Variants in NAALADL2 observed in about 807,000 individuals in gnomAD.
NAALADL2 encodes the protein N-acetylated alpha-linked acidic dipeptidase like 2.
Under a neutral mutation model 87.2 loss-of-function variants are expected in NAALADL2, and 76 were observed. The ratio of observed to expected loss-of-function variants is 0.87; its 90% CI spans 0.72 to 1.05. The LOEUF is 1.05. NAALADL2 is among the 50% of genes least tolerant of loss of function. The probability of loss-of-function intolerance (pLI) is 0.00; values close to 1 mark genes in which losing one functional copy is unlikely to be tolerated. For missense variants in NAALADL2, 1,089 were observed against 945.8 expected, an observed-to-expected ratio of 1.15 and a Z score of -1.99; for synonymous variants, 354 against 331.0, an observed-to-expected ratio of 1.07 and a Z score of -0.75.
intron 2 of NAALADL2, among the ~76,000 whole-genome samples, chr3:174,668,583 C>T (rs566690753): frequency 1.1e-4 from 16 of 152,250 alleles, no homozygotes; most frequent in East Asian, 7.7e-4. Context: ...CCCCCCACCC[C>T]GCAACGGGCC....
chr3:175,762,764 G>A (rs1241195980), intron 13 of NAALADL2, among the ~76,000 whole-genome samples: 1 of 152,118 alleles, frequency 6.6e-6, no homozygotes, highest in African/African-American at 2.4e-5. Context: ...AGAGTTTGAG[G>A]AGAGACATTA....
intron 1 of NAALADL2, among the ~76,000 whole-genome samples, chr3:175,075,937 G>GT (rs932698755): frequency 2.0e-5 from 3 of 152,068 alleles, no homozygotes; most frequent in Non-Finnish European, 4.4e-5. Flanking sequence ...AAAATAATAT[G>GT]TCATAACAGG....
chr3:174,942,537 T>C (rs1249096390), intron 1 of NAALADL2, among the ~76,000 whole-genome samples: 3 of 152,046 alleles, frequency 2.0e-5, no homozygotes, highest in African/African-American at 4.8e-5. Flanking sequence ...GTGTAGACTC[T>C]TGCAGGAGTT....
intron 2 of NAALADL2, among the ~76,000 whole-genome samples, chr3:175,224,185 A>G (rs1184414989): frequency 6.6e-6 from 1 of 152,022 alleles, no homozygotes; most frequent in Non-Finnish European, 1.5e-5. Context: ...TCTGGGTGGG[A>G]GTAGTCTGGG....
chr3:175,778,631 C>G (rs1434427980), intron 13 of NAALADL2, among the ~76,000 whole-genome samples: 1 of 152,150 alleles, frequency 6.6e-6, no homozygotes, highest in Non-Finnish European at 1.5e-5. Flanking sequence ...TTGTATATGT[C>G]AGACACTGTG....
chr3:174,978,236 G>A (rs1314722827), intron 1 of NAALADL2, among the ~76,000 whole-genome samples: 1 of 152,184 alleles, frequency 6.6e-6, no homozygotes, highest in African/African-American at 2.4e-5. Flanking sequence ...AAAACATGGT[G>A]GAGTTGAAAC....
At chr3:175,066,342 C>T (rs971795885) in intron 1 of NAALADL2, among the ~76,000 whole-genome samples, 12 of 152,094 alleles carry the variant, frequency 7.9e-5, no homozygotes, top group African/African-American at 2.7e-4. Context: ...TTGAGTGCTC[C>T]TGGGCCTCCA....
chr3:175,249,170 TATTTTC>T, intron 3 of NAALADL2, among the ~76,000 whole-genome samples: 1 of 152,304 alleles, frequency 6.6e-6, no homozygotes, highest in Middle Eastern at 3.4e-3. Flanking sequence ...TTCATTTATT[TATTTTC>T]TTTATTAATA....
chr3:174,904,258 T>G (rs1732704707), intron 1 of NAALADL2, among the ~76,000 whole-genome samples: 1 of 151,894 alleles, frequency 6.6e-6, no homozygotes, highest in Non-Finnish European at 1.5e-5. Flanking sequence ...TGAATAATTA[T>G]GATAATGTTA....
chr3:175,516,503 C>T lies in NAALADL2; in HGVS notation c.1653+44745C>T, dbSNP rs563263590. On this transcript the variant is annotated intron_variant, in intron 9 of 13. Transcript: ENST00000454872. ...AGTTGAGATTTTCTAATTTAAAGGTCGGGGATTCAATAATCAATCCCCTTT... is the reference window on the plus strand; with the variant it reads ...AGTTGAGATTTTCTAATTTAAAGGTTGGGGATTCAATAATCAATCCCCTTT... 1.7e-4 allele frequency among the ~76,000 whole-genome samples: 26 copies of T among 152,194 alleles called. 1 individual carries two copies. Among genetic ancestry groups the T allele is most frequent in the South Asian group, 1.7e-3 (8 of 4,822 alleles).
chr3:175,009,405 A>C (rs1749484751), intron 1 of NAALADL2, among the ~76,000 whole-genome samples: 1 of 152,226 alleles, frequency 6.6e-6, no homozygotes, highest in Admixed American at 6.5e-5. Context: ...TTAACACGCC[A>C]CCATAAACGA....
chr3:175,667,239 GAAAAAGAA>G (rs1467974340), intron 11 of NAALADL2, among the ~76,000 whole-genome samples: 9 of 82,062 alleles, frequency 1.1e-4, no homozygotes, highest in South Asian at 3.7e-4. Flanking sequence ...AAGAAAGAAA[GAAAAAGAA>G]AGAAAGAAAG....
chr3:174,643,098 A>G (rs139809310), intron 2 of NAALADL2, among the ~76,000 whole-genome samples: 1 of 152,236 alleles, frequency 6.6e-6, no homozygotes, highest in African/African-American at 2.4e-5. Flanking sequence ...ATATAATTTT[A>G]AGCAAGAAAA....
chr3:175,173,056 C>G (rs1194642653), intron 2 of NAALADL2, among the ~76,000 whole-genome samples: 1 of 151,800 alleles, frequency 6.6e-6, no homozygotes, highest in Non-Finnish European at 1.5e-5. Flanking sequence ...TTTGGGAGGC[C>G]AGGGTGAGTG....
chr3:174,721,559 T>A (rs1311506122), intron 2 of NAALADL2, among the ~76,000 whole-genome samples: 2 of 152,214 alleles, frequency 1.3e-5, no homozygotes, highest in African/African-American at 2.4e-5. Flanking sequence ...CGCGTCTTAA[T>A]AAAATAACGT....
intron 5 of NAALADL2, among the ~76,000 whole-genome samples, chr3:175,343,565 G>T (rs1315434752): frequency 6.6e-6 from 1 of 151,006 alleles, no homozygotes; most frequent in Non-Finnish European, 1.5e-5. Flanking sequence ...TTTCTTTGGT[G>T]ATTTCTAGTT....
At chr3:175,041,724 T>A (rs573772206) in intron 1 of NAALADL2, among the ~76,000 whole-genome samples, 1 of 152,288 alleles carries the variant, frequency 6.6e-6, no homozygotes, top group Non-Finnish European at 1.5e-5. Context: ...GATTTATAAT[T>A]ATGGATGCAC....
intron 13 of NAALADL2, among the ~76,000 whole-genome samples, chr3:175,800,440 T>C (rs1258681847): frequency 1.3e-5 from 2 of 152,226 alleles, no homozygotes; most frequent in East Asian, 1.9e-4. Context: ...ATGCTAAGTT[T>C]ACTCATAAGC....
chr3:174,582,097 T>C (rs1716225080), intron 2 of NAALADL2, among the ~76,000 whole-genome samples: 1 of 152,116 alleles, frequency 6.6e-6, no homozygotes, highest in Non-Finnish European at 1.5e-5. Context: ...TTACCAACAG[T>C]ACAAAGAGGG....
Sources: gnomAD v4.1 joint callset for allele counts (sites outside exome capture counted in the v4.1 genomes callset) on GRCh38, gnomAD v4.1.1 for gene constraint, MANE v1.5 for transcripts, NCBI Gene and HGNC (gene_info 2026-07-23, HGNC 2026-07-21) for gene names.